Variants in CMYA5 observed in about 807,000 individuals in gnomAD.
The protein encoded by CMYA5 is cardiomyopathy-associated protein 5.
Under a neutral mutation model 318.9 loss-of-function variants are expected in CMYA5, and 246 were observed. The ratio of observed to expected loss-of-function variants is 0.77; its 90% CI spans 0.70 to 0.86. The LOEUF (loss-of-function observed/expected upper bound fraction) is 0.86. CMYA5 is among the 40% of genes least tolerant of loss of function. The pLI is 0.00. For missense variants in CMYA5, 4,589 were observed against 4,678.2 expected (o/e 0.98, Z 0.56); for synonymous variants, 1,641 against 1,729.5 (o/e 0.95, Z 1.27).
chr5:79,713,747 C>T (rs1827458668), intron 1 of CMYA5, among the ~76,000 whole-genome samples: 1 of 152,068 alleles, frequency 6.6e-6, no homozygotes, highest in Admixed American at 6.5e-5. Flanking sequence ...CATGTTAACA[C>T]CTTTACCTAC....
intron 1 of CMYA5, among the ~76,000 whole-genome samples, chr5:79,721,558 T>C (rs529999838): frequency 1.3e-5 from 2 of 152,212 alleles, no homozygotes; most frequent in South Asian, 4.2e-4. Flanking sequence ...ATCTAAAGTA[T>C]AAAGATATAG....
At chr5:79,753,951 A>G (rs548845835) in intron 6 of CMYA5, among the ~76,000 whole-genome samples, 1 of 152,252 alleles carries the variant, frequency 6.6e-6, no homozygotes, top group Non-Finnish European at 1.5e-5. Flanking sequence ...GATTCATTAT[A>G]TGCCACTGTT....
intron 1 of CMYA5, among the ~76,000 whole-genome samples, chr5:79,712,890 C>G (rs528636761): frequency 6.6e-6 from 1 of 152,312 alleles, no homozygotes; most frequent in South Asian, 2.1e-4. Context: ...ATATTCTATT[C>G]AGATGAAGTG....
chr5:79,703,176 A>G (rs1827205944), intron 1 of CMYA5, among the ~76,000 whole-genome samples: 1 of 152,236 alleles, frequency 6.6e-6, no homozygotes, highest in Admixed American at 6.5e-5. Context: ...ATCATTTAAC[A>G]CAGGATGCAG....
In CMYA5 at chr5:79,737,718, TC is replaced by T. The variant is rs1157141041; in HGVS notation, c.8954del (p.Ser2985TyrfsTer20). The T allele has an allele frequency of 1.9e-6, 3 of 1,612,292 alleles. No individual in the cohort carries two copies. In the Admixed American group the frequency reaches 5.0e-5, roughly 27 times the overall value. On this transcript the variant is annotated frameshift_variant, in exon 2 of 13. Transcript: ENST00000446378. LOFTEE classifies it high-confidence loss of function. ...DKLEYLEEKA[S>X]FKTIPLPDDS... Reference sequence around the variant, plus strand: ...ATTAGAATATTTGGAAGAGAAAGCCTCATTTAAAACCATACCACTCCCTGAT... The same window carrying T: ...ATTAGAATATTTGGAAGAGAAAGCCTATTTAAAACCATACCACTCCCTGAT...
Position 79,729,196 on chromosome 5 carries a change from C to T in CMYA5, c.431C>T (p.Ser144Leu). The change falls in exon 2 of 13, where the codon TCA (serine) becomes TTA (leucine). Residue 144 changes from serine (S) to leucine (L), a missense_variant. By Grantham distance (145) the Ser-to-Leu change is moderately radical. Transcript: ENST00000446378. ...RTHKSKHGSPSLRRKGNRKRN... is the reference protein window; with the variant it reads ...RTHKSKHGSPLLRRKGNRKRN... ...CATAAGTCAAAGCATGGTTCACCAT[C>T]ATTACGCCGGAAAGGCAACAGAAAA... The T allele has an allele frequency of 1.2e-6, 2 of 1,613,056 alleles. No homozygotes were observed. Among genetic ancestry groups the T allele is most frequent in the Non-Finnish European group, 1.7e-6 (2 of 1,179,672 alleles).
chr5:79,706,194 C>T (rs934207615), intron 1 of CMYA5, among the ~76,000 whole-genome samples: 5 of 151,814 alleles, frequency 3.3e-5, no homozygotes, highest in African/African-American at 7.3e-5. Flanking sequence ...TTAGTGAGGG[C>T]GGGGGTAGGT....
In CMYA5 at chr5:79,730,939, G is replaced by T; in HGVS notation, c.2174G>T (p.Gly725Val). 6.2e-7 allele frequency: 1 copy of T among 1,613,932 alleles called. No homozygotes were observed. Among genetic ancestry groups the T allele is most frequent in the Non-Finnish European group, 8.5e-7 (1 of 1,179,882 alleles). ...IDRKSPLILK[G>V]VSEYMIPSEE... Reference sequence around the variant, plus strand: ...CGTAAGTCCCCGTTAATATTGAAAGGTGTTTCTGAGTACATGATTCCATCA... The same window carrying T: ...CGTAAGTCCCCGTTAATATTGAAAGTTGTTTCTGAGTACATGATTCCATCA... Residue 725 changes from glycine (G) to valine (V), a missense_variant, in exon 2 of 13, where the codon GGT becomes GTT. Physicochemically the swap from Gly to Val is moderately radical, Grantham distance 109 (BLOSUM62 -3). Coordinates refer to ENST00000446378, the MANE Select transcript of CMYA5 (RefSeq NM_153610.5).
chr5:79,737,622 A>T lies in CMYA5; in HGVS notation c.8857A>T (p.Ile2953Leu). The T allele has an allele frequency of 6.2e-7, 1 of 1,613,638 alleles. No homozygotes were observed. Among genetic ancestry groups the T allele is most frequent in the Non-Finnish European group, 8.5e-7 (1 of 1,179,772 alleles). ...TAGTATCATTTCTGAAGGCTGTGAG[A>T]TATTGAATATTCATGCTCCGGCCTT... ...AFSIISEGCE[I>L]LNIHAPAFIS... The change falls in exon 2 of 13, where the codon ATA becomes TTA. Residue 2953 changes from isoleucine to leucine, a missense_variant. Ile to Leu is a conservative substitution (Grantham distance 5). Around this residue, in one of 3 missense-constraint regions of CMYA5, gnomAD observed 2,431 missense variants for 2,495.1 expected, o/e 0.97. Transcript: ENST00000446378.
intron 2 of CMYA5, among the ~76,000 whole-genome samples, chr5:79,741,631 T>C (rs1162838103): frequency 6.6e-6 from 1 of 152,164 alleles, no homozygotes; most frequent in Non-Finnish European, 1.5e-5. Context: ...GTCACATGCA[T>C]GAGCTACAGT....
chr5:79,728,407 C>T (rs1035930302), intron 1 of CMYA5, among the ~76,000 whole-genome samples: 1 of 150,578 alleles, frequency 6.6e-6, no homozygotes, highest in Admixed American at 6.6e-5. Flanking sequence ...TAAAGCCAGT[C>T]TGGGAGGATG....
At chr5:79,748,317 C>T (rs1218766053) in intron 5 of CMYA5, among the ~76,000 whole-genome samples, 2 of 152,166 alleles carry the variant, frequency 1.3e-5, no homozygotes, top group Admixed American at 6.6e-5. Context: ...CCCACACTGG[C>T]TGTGCCTAAA....
intron 1 of CMYA5, among the ~76,000 whole-genome samples, chr5:79,713,805 G>A (rs561541691): frequency 9.2e-5 from 14 of 152,142 alleles, no homozygotes; most frequent in Admixed American, 2.6e-4. Flanking sequence ...TTATGCATGC[G>A]GCCCACATGT....
intron 1 of CMYA5, among the ~76,000 whole-genome samples, chr5:79,706,766 G>C (rs1488296186): frequency 1.3e-5 from 2 of 152,236 alleles, no homozygotes; most frequent in East Asian, 3.9e-4. Flanking sequence ...TTCTGGCAGT[G>C]CAACCTGGCA....
At position 79,732,908 on chromosome 5, in the gene CMYA5, T is replaced by C. The variant is rs1257900717; in HGVS notation, c.4143T>C (p.Thr1381=). ...TCCCAACAGATTCATCTCTTATCAC[T>C]CCTGTAGATCGTCCAGTCTTAACAA... ...EEIPTDSSLI[T]PVDRPVLTKV... is the part of the protein sequence containing the mutation. Residue 1381 remains threonine (T), a synonymous_variant, in exon 2 of 13, where the codon ACT becomes ACC. Transcript: ENST00000446378. 2.5e-6 allele frequency: 4 copies of C among 1,613,632 alleles called. No homozygotes were observed. The highest frequency in any genetic ancestry group is 3.4e-6 in the Non-Finnish European group (4 of 1,179,828).
rs779832653 is a variant in CMYA5 at position 79,737,221 on chromosome 5, C to G, written c.8456C>G (p.Thr2819Ser). ...TTGCTGTCACCTGTAAAACCACAAA[C>G]TCTTGCTTCAGGAGCTTCTCCAGAA... ...PYLLSPVKPQ[T>S]LASGASPEIN... The change falls in exon 2 of 13, where the codon ACT becomes AGT. Residue 2819 changes from threonine (T) to serine (S), a missense_variant. Coordinates refer to ENST00000446378, the MANE Select transcript of CMYA5 (RefSeq NM_153610.5). 1.2e-6 allele frequency: 2 copies of G among 1,613,744 alleles called. No individual in the cohort carries two copies. The highest frequency in any genetic ancestry group is 1.7e-4 in the Middle Eastern group (1 of 6,060).
intron 1 of CMYA5, among the ~76,000 whole-genome samples, chr5:79,721,155 G>A (rs910672693): frequency 6.6e-6 from 1 of 152,086 alleles, no homozygotes; most frequent in Admixed American, 6.6e-5. Context: ...CAAGTAGAAT[G>A]TAGCTAACAA....
At chr5:79,739,618 CT>C (rs1195045629) in intron 2 of CMYA5, among the ~76,000 whole-genome samples, 25 of 152,104 alleles carry the variant, frequency 1.6e-4, no homozygotes, top group Admixed American at 3.3e-4. Flanking sequence ...TCCTTGAGTT[CT>C]GCATGCTTAG....
chr5:79,787,275 A>G (rs564233080), intron 9 of CMYA5, among the ~76,000 whole-genome samples: 3 of 152,064 alleles, frequency 2.0e-5, no homozygotes. Context: ...GCCTGGGCAC[A>G]TGATAAGTGA....
Sources: allele counts gnomAD v4.1 joint callset (sites outside exome capture counted in the v4.1 genomes callset), GRCh38; gene constraint gnomAD v4.1.1; regional missense constraint gnomAD v4.1.1; transcripts MANE v1.5; gene names NCBI Gene and HGNC (gene_info 2026-07-23, HGNC 2026-07-21).